The following RELN variants were observed in gnomAD, a reference collection of about 807,000 sequenced individuals.
RELN encodes the protein reelin.
A neutral mutation model predicts 427.6 loss-of-function variants in RELN; 108 were observed. The ratio of observed to expected loss-of-function variants is 0.25; its 90% CI spans 0.22 to 0.30. The LOEUF is 0.30. Ranked by LOEUF, RELN falls within the 10% of genes least tolerant of loss-of-function variation. The pLI, the probability that RELN is intolerant of heterozygous loss-of-function variation, is 1.00. For missense variants in RELN, 3,715 were observed against 4,302.8 expected, an observed-to-expected ratio of 0.86 and a Z score of 3.82; for synonymous variants, 1,524 against 1,513.4, an observed-to-expected ratio of 1.01 and a Z score of -0.16.
intron 8 of RELN, among the ~76,000 whole-genome samples, chr7:103,707,472 C>T (rs563336833): frequency 6.6e-6 from 1 of 151,670 alleles, no homozygotes; most frequent in East Asian, 1.9e-4. Context: ...TAACACATTC[C>T]ATGATGGCTT....
chr7:103,588,743 A>C (rs1021334981), intron 28 of RELN, among the ~76,000 whole-genome samples: 2 of 152,226 alleles, frequency 1.3e-5, no homozygotes, highest in Non-Finnish European at 2.9e-5. Context: ...GTCTCCAAAT[A>C]TAAGCATAGT....
At chr7:103,584,239 C>T (rs1437058622) in intron 28 of RELN, among the ~76,000 whole-genome samples, 2 of 152,154 alleles carry the variant, frequency 1.3e-5, no homozygotes, top group Admixed American at 6.5e-5. Flanking sequence ...ACGTAATGGG[C>T]TAAATCCTCA....
intron 3 of RELN, among the ~76,000 whole-genome samples, chr7:103,808,551 A>G (rs951248726): frequency 1.4e-4 from 18 of 125,882 alleles, no homozygotes; most frequent in African/African-American, 3.7e-4. Flanking sequence ...AACAGCAAGG[A>G]AAAAAAAATA....
intron 2 of RELN, among the ~76,000 whole-genome samples, chr7:103,844,222 A>G (rs1435875262): frequency 6.6e-6 from 1 of 152,168 alleles, no homozygotes; most frequent in Non-Finnish European, 1.5e-5. Context: ...AACAAAACCA[A>G]AATAAAACTA....
intron 1 of RELN, among the ~76,000 whole-genome samples, chr7:103,971,641 TC>T (rs1224575682): frequency 2.0e-5 from 3 of 152,240 alleles, no homozygotes. Context: ...AGTGGTATTA[TC>T]TTTTTGGAGG....
At chr7:103,874,201 G>A (rs1345340819) in intron 2 of RELN, among the ~76,000 whole-genome samples, 8 of 121,986 alleles carry the variant, frequency 6.6e-5, no homozygotes, top group African/African-American at 1.7e-4. Flanking sequence ...TTGATGGGAT[G>A]TATTTCAAAA....
rs190632289 is a variant in RELN at position 103,573,863 on chromosome 7, C to T, written c.4511+229G>A. ...ATCAAGCTGGCATACCCTAGACACA[C>T]AGGCCTTGGTGATGACCACACATGG... On this transcript the variant is annotated intron_variant, in intron 30 of 64. Transcript: ENST00000428762. This position sits in a 1 kb window ranked among gnomAD's most constrained non-coding sequence, Gnocchi z 4.4. Among the ~76,000 whole-genome samples, 321 of 152,294 alleles carry T rather than the reference C, an allele frequency of 2.1e-3. No individual in the cohort carries two copies. The highest frequency in any genetic ancestry group is 2.6e-3 in the Non-Finnish European group (177 of 68,024).
intron 2 of RELN, among the ~76,000 whole-genome samples, chr7:103,906,577 C>A (rs974139482): frequency 3.9e-5 from 6 of 152,102 alleles, no homozygotes; most frequent in Admixed American, 6.6e-5. Flanking sequence ...TTCCTCTGAG[C>A]CGTTATAGAG....
chr7:103,693,853 C>T (rs1227961250), intron 10 of RELN, among the ~76,000 whole-genome samples: 1 of 152,136 alleles, frequency 6.6e-6, no homozygotes, highest in Non-Finnish European at 1.5e-5. Context: ...TTCCAAGGCC[C>T]CTACTCTATT....
chr7:103,755,276 G>A (rs1057123351), intron 4 of RELN, among the ~76,000 whole-genome samples: 2 of 151,830 alleles, frequency 1.3e-5, no homozygotes, highest in African/African-American at 4.8e-5. Flanking sequence ...AGACCATCCT[G>A]GCTAACACAG....
At chr7:103,853,038 T>A (rs373485962) in intron 2 of RELN, among the ~76,000 whole-genome samples, 21 of 152,064 alleles carry the variant, frequency 1.4e-4, no homozygotes, top group Admixed American at 3.3e-4. Flanking sequence ...ATAATTTGAA[T>A]AATTTGGATC....
intron 24 of RELN, among the ~76,000 whole-genome samples, chr7:103,597,735 A>C (rs1403384527): frequency 1.3e-5 from 2 of 152,234 alleles, no homozygotes; most frequent in South Asian, 2.1e-4. Flanking sequence ...TCTGTGTCTT[A>C]AAAGTGTTAC....
At chr7:103,979,083 G>C (rs1452168349) in intron 1 of RELN, among the ~76,000 whole-genome samples, 1 of 152,158 alleles carries the variant, frequency 6.6e-6, no homozygotes, top group East Asian at 1.9e-4. Flanking sequence ...AGTCCAATGA[G>C]GCAAGTTTTT....
chr7:103,851,369 C>T (rs1407442688), intron 2 of RELN, among the ~76,000 whole-genome samples: 1 of 152,092 alleles, frequency 6.6e-6, no homozygotes, highest in Non-Finnish European at 1.5e-5. Flanking sequence ...TAAAACACTA[C>T]AAATATGGTG....
intron 10 of RELN, among the ~76,000 whole-genome samples, chr7:103,683,676 G>T (rs1011735284): frequency 6.6e-6 from 1 of 152,106 alleles, no homozygotes; most frequent in East Asian, 1.9e-4. Context: ...ATTATGTATG[G>T]TACATAATAT....
chr7:103,627,916 A>G (rs1832362137), intron 20 of RELN: 1 of 152,244 alleles, frequency 6.6e-6, no homozygotes. Context: ...AACTGCTGTT[A>G]TCATGCATTC....
At chr7:103,741,557 A>C (rs1184585515) in intron 6 of RELN, among the ~76,000 whole-genome samples, 1 of 151,628 alleles carries the variant, frequency 6.6e-6, no homozygotes, top group Non-Finnish European at 1.5e-5. Context: ...AAAAAGGAGG[A>C]TGGGAGGGAA....
intron 11 of RELN, among the ~76,000 whole-genome samples, chr7:103,662,612 C>A (rs1378316123): frequency 8.3e-6 from 1 of 120,186 alleles, no homozygotes; most frequent in Non-Finnish European, 1.6e-5. Flanking sequence ...GGTGACACAG[C>A]GAGACTCCGT....
intron 3 of RELN, 143 bp downstream of exon 3, chr7:103,833,394 C>A: frequency 1.2e-6 from 1 of 863,336 alleles, no homozygotes; most frequent in Non-Finnish European, 1.9e-6. Flanking sequence ...AAGTTTTTAC[C>A]TTTTTTGGCA....
Sources: gnomAD v4.1 joint callset for allele counts (sites outside exome capture counted in the v4.1 genomes callset) on GRCh38, gnomAD v4.1.1 for gene constraint, Gnocchi (gnomAD v3.1) non-coding constraint, MANE v1.5 for transcripts, NCBI Gene and HGNC (gene_info 2026-07-23, HGNC 2026-07-21) for gene names.